ANK1: variants seen among roughly 807,000 people sequenced by gnomAD.
ANK1 encodes ankyrin-1.
ANK1 carries 51 observed loss-of-function variants against 210.4 expected under a neutral mutation model. The observed-to-expected ratio is 0.24, with a 90% CI of 0.19 to 0.31. The LOEUF (loss-of-function observed/expected upper bound fraction) is 0.31, where lower values mean the gene tolerates loss of function less well. Ranked by LOEUF, ANK1 falls within the 10% of genes least tolerant of loss-of-function variation. ANK1 has a pLI of 1.00. For missense variants in ANK1, 2,051 were observed against 2,504.4 expected, an observed-to-expected ratio of 0.82 and a Z score of 3.86; for synonymous variants, 967 against 1,025.9, an observed-to-expected ratio of 0.94 and a Z score of 1.10.
chr8:41,847,108 C>T (rs2150808855), intron 1 of ANK1, among the ~76,000 whole-genome samples: 1 of 152,322 alleles, frequency 6.6e-6, no homozygotes, highest in Middle Eastern at 3.4e-3. Flanking sequence ...AACTCAGAAC[C>T]CCGACAGCAA....
chr8:41,884,116 G>A (rs1274204854), intron 1 of ANK1, among the ~76,000 whole-genome samples: 2 of 152,170 alleles, frequency 1.3e-5, no homozygotes, highest in East Asian at 1.9e-4. Flanking sequence ...TTGGGAGGCC[G>A]AGGCAGACAG....
At chr8:41,698,500 G>T (rs1821745193) in intron 23 of ANK1, among the ~76,000 whole-genome samples, 1 of 151,616 alleles carries the variant, frequency 6.6e-6, no homozygotes, top group Non-Finnish European at 1.5e-5. Context: ...TGGAGTAAAT[G>T]GCCCAGTGGT....
upstream of ANK1, among the ~76,000 whole-genome samples, chr8:41,799,950 C>G (rs1167179388): frequency 2.6e-5 from 4 of 152,192 alleles, no homozygotes; most frequent in Non-Finnish European, 4.4e-5. Context: ...TAAGGACAGG[C>G]ATGTCATGGA....
At chr8:41,699,378 C>T (rs1822023873) in intron 23 of ANK1, 74 bp downstream of exon 23, 2 of 1,407,662 alleles carry the variant, frequency 1.4e-6, no homozygotes, top group African/African-American at 2.8e-5. Context: ...TCCTTCCTCC[C>T]TCTGGAATCC....
At chr8:41,848,953 G>A (rs935104184) in intron 1 of ANK1, among the ~76,000 whole-genome samples, 2 of 152,142 alleles carry the variant, frequency 1.3e-5, no homozygotes, top group Non-Finnish European at 2.9e-5. Flanking sequence ...GGTGCGACCT[G>A]CCCCCATCCA....
chr8:41,717,927 A>G (rs1828150790), intron 11 of ANK1, among the ~76,000 whole-genome samples, 179 bp downstream of exon 11: 1 of 152,200 alleles, frequency 6.6e-6, no homozygotes, highest in South Asian at 2.1e-4. Context: ...GGAAGGCTCC[A>G]TGAGACTTGA....
At chr8:41,788,841 G>T (rs1847003940) in intron 1 of ANK1, 1 of 152,146 alleles carries the variant, frequency 6.6e-6, no homozygotes, top group African/African-American at 2.4e-5. Flanking sequence ...GTGGACTAAA[G>T]ACCAAAGTCT....
At chr8:41,722,168 C>T (rs1443042002) in intron 9 of ANK1, among the ~76,000 whole-genome samples, 9 of 152,162 alleles carry the variant, frequency 5.9e-5, no homozygotes, top group Non-Finnish European at 1.0e-4. Context: ...GCAAGACACA[C>T]GTTCATAGTC....
Position 41,719,844 on chromosome 8 carries a change from T to C in ANK1, c.924A>G (p.Pro308=). 6.2e-7 allele frequency: 1 copy of C among 1,614,192 alleles called. No individual in the cohort carries two copies. Among genetic ancestry groups the C allele is most frequent in the Non-Finnish European group, 8.5e-7 (1 of 1,180,028 alleles). Residue 308 remains proline (P), a synonymous_variant, in exon 10 of 43, where the codon CCA becomes CCG. Transcript: ENST00000289734. ...GGTCTCCCTGAGCCGCCATGTGAAT[T>C]GGGGACAGGCCGTTCTGGGTAAAGA... The part of the protein sequence containing the change: ...IQAKTKNGLS[P]IHMAAQGDHL...
intron 1 of ANK1, among the ~76,000 whole-genome samples, chr8:41,859,803 G>A (rs1050867179): frequency 1.3e-5 from 2 of 152,246 alleles, no homozygotes; most frequent in Admixed American, 1.3e-4. Context: ...CTGAGGGACT[G>A]GAGCTTTAAA....
chr8:41,845,556 G>C (rs1809856125), intron 1 of ANK1, among the ~76,000 whole-genome samples: 1 of 152,008 alleles, frequency 6.6e-6, no homozygotes, highest in Admixed American at 6.5e-5. Context: ...CGTGCCTTTG[G>C]GGAGAAGAGT....
At chr8:41,715,986 G>T in intron 13 of ANK1, 137 bp from the exon 14 acceptor site, 1 of 997,244 alleles carries the variant, frequency 1.0e-6, no homozygotes, top group Non-Finnish European at 1.5e-6. Flanking sequence ...AAGATGAAGA[G>T]TCAGGATTCG....
chr8:41,789,540 GC>G (rs1847174054), intron 1 of ANK1, among the ~76,000 whole-genome samples: 1 of 152,184 alleles, frequency 6.6e-6, no homozygotes, highest in African/African-American at 2.4e-5. Context: ...GTGCTGCTGG[GC>G]CCCTGCGGTC....
At chr8:41,736,783 C>T (rs150629625) in intron 2 of ANK1, among the ~76,000 whole-genome samples, 9 of 152,156 alleles carry the variant, frequency 5.9e-5, no homozygotes, top group South Asian at 2.1e-4. Context: ...GATTTCAATC[C>T]GGAGGGATTC....
intron 35 of ANK1, 56 bp from the exon 36 acceptor site, chr8:41,686,339 G>T: frequency 6.2e-7 from 1 of 1,610,506 alleles, no homozygotes; most frequent in Non-Finnish European, 8.5e-7. Flanking sequence ...ACAGCAGGGG[G>T]CCTCCAGCAC....
chr8:41,816,659 A>G (rs1803394366), intron 1 of ANK1, among the ~76,000 whole-genome samples: 1 of 152,056 alleles, frequency 6.6e-6, no homozygotes, highest in Non-Finnish European at 1.5e-5. Context: ...TGCCCTTCTG[A>G]CCTCAAGCAG....
intron 1 of ANK1, among the ~76,000 whole-genome samples, chr8:41,824,851 G>T (rs913598063): frequency 8.5e-5 from 13 of 152,216 alleles, no homozygotes; most frequent in Admixed American, 5.9e-4. Context: ...GTGAAGGCAG[G>T]GGGTGTGGAG....
chr8:41,795,690 G>A (rs1041127394), intron 1 of ANK1, among the ~76,000 whole-genome samples: 3 of 151,816 alleles, frequency 2.0e-5, no homozygotes, highest in Non-Finnish European at 2.9e-5. Context: ...TCATACATAG[G>A]AGCTAAAAAA....
rs1563844449 is a variant in ANK1 at position 41,822,085 on chromosome 8, AGAGAGAGAGAGAGAG to A, written c.127-63963_127-63949del. Among the ~76,000 whole-genome samples the A allele has an allele frequency of 5.6e-3, 221 of 39,222 alleles. 4 individuals are homozygous for A. Among genetic ancestry groups the A allele is most frequent in the African/African-American group, 0.046 (196 of 4,280 alleles). The allele number at this position is 39,222 out of a possible 152,430, so 25.7% of individuals were successfully genotyped here. ...AAGAAAGAGAGAGAGAGAGAGAGAG[AGAGAGAGAGAGAGAG>A]AGAGAGAGAGAGAGAAAGAAAGAGA... On this transcript the variant is annotated intron_variant, in intron 1 of 42. Transcript: ENST00000265709.
Sources: allele counts gnomAD v4.1 joint callset (sites outside exome capture counted in the v4.1 genomes callset), GRCh38; gene constraint gnomAD v4.1.1; transcripts MANE v1.5; gene names NCBI Gene and HGNC (gene_info 2026-07-23, HGNC 2026-07-21).